Variants in AKAP6 observed in about 807,000 individuals in gnomAD.
The protein encoded by AKAP6 is A-kinase anchor protein 6.
In AKAP6, 58 loss-of-function variants were observed where a neutral mutation model predicts 188.5. The observed-to-expected ratio is 0.31, with a 90% CI of 0.25 to 0.38. The LOEUF (loss-of-function observed/expected upper bound fraction) is 0.38, where lower values mean the gene tolerates loss of function less well. Among genes scored for constraint, AKAP6 ranks in the 10% least tolerant of loss-of-function variants. AKAP6 has a pLI of 1.00. For missense variants in AKAP6, 2,710 were observed against 2,740.0 expected (o/e 0.99, Z 0.24); for synonymous variants, 989 against 998.6 (o/e 0.99, Z 0.18).
chr14:32,447,585 C>G (rs1160342758), intron 2 of AKAP6, among the ~76,000 whole-genome samples: 2 of 152,118 alleles, frequency 1.3e-5, no homozygotes, highest in African/African-American at 4.8e-5. Flanking sequence ...TGTTGGGTAA[C>G]CTTAATTAAG....
At chr14:32,333,406 G>C (rs1479707015) in intron 1 of AKAP6, among the ~76,000 whole-genome samples, 3 of 152,076 alleles carry the variant, frequency 2.0e-5, no homozygotes, top group Non-Finnish European at 4.4e-5. Flanking sequence ...CATTGTCAGG[G>C]AATCTATAGC....
chr14:32,773,138 A>G (rs1289950418), intron 11 of AKAP6, among the ~76,000 whole-genome samples: 1 of 152,110 alleles, frequency 6.6e-6, no homozygotes, highest in Non-Finnish European at 1.5e-5. Flanking sequence ...TTGTTAATCA[A>G]GCTTTGGAAG....
chr14:32,405,715 G>C (rs1235031085), intron 1 of AKAP6, among the ~76,000 whole-genome samples: 1 of 149,754 alleles, frequency 6.7e-6, no homozygotes, highest in Non-Finnish European at 1.5e-5. Flanking sequence ...GTTCTCATGA[G>C]ATCTGATGGT....
In AKAP6 at chr14:32,470,960, AATAATCTCAAATACTTT is replaced by A. The variant is rs555373482; in HGVS notation, c.324+37145_324+37161del. ...TTTTCCTAAGACCTTTAATCCATCTAATAATCTCAAATACTTTAGATACATGAGGATAGACTTAGAAA... is the reference window on the plus strand; with the variant it reads ...TTTTCCTAAGACCTTTAATCCATCTAAGATACATGAGGATAGACTTAGAAA... On this transcript the variant is annotated intron_variant, in intron 2 of 13. Coordinates refer to ENST00000280979, the MANE Select transcript of AKAP6 (RefSeq NM_004274.5). 5.3e-3 allele frequency among the ~76,000 whole-genome samples: 813 copies of A among 152,316 alleles called. 5 individuals are homozygous for A. Among genetic ancestry groups the A allele is most frequent in the Middle Eastern group, 0.044 (13 of 294 alleles).
chr14:32,413,403 A>G (rs1300297981), intron 1 of AKAP6, among the ~76,000 whole-genome samples: 1 of 151,932 alleles, frequency 6.6e-6, no homozygotes, highest in East Asian at 1.9e-4. Flanking sequence ...GGCTGCTCTC[A>G]AACTCCTGGG....
At chr14:32,717,608 TCACACACACACA>T (rs57925449) in intron 9 of AKAP6, among the ~76,000 whole-genome samples, 3 of 147,736 alleles carry the variant, frequency 2.0e-5, no homozygotes, top group Admixed American at 6.8e-5. Flanking sequence ...TTGTCTCTTA[TCACACACACACA>T]CACACACACA....
chr14:32,569,015 C>A (rs1884336937), intron 4 of AKAP6, among the ~76,000 whole-genome samples: 1 of 152,160 alleles, frequency 6.6e-6, no homozygotes, highest in African/African-American at 2.4e-5. Context: ...GAATCCCTTT[C>A]CCATCATAAG....
chr14:32,602,018 G>GA (rs1885946471), intron 7 of AKAP6, among the ~76,000 whole-genome samples: 1 of 152,214 alleles, frequency 6.6e-6, no homozygotes, highest in African/African-American at 2.4e-5. Flanking sequence ...TTGAAGGAAG[G>GA]AGGAGAGGTG....
In AKAP6 at chr14:32,833,965, C is replaced by G. The variant is rs2034847272; in HGVS notation, c.*4160C>G. 6.6e-6 allele frequency: 1 copy of G among 152,200 alleles called. No homozygotes were observed. The highest frequency in any genetic ancestry group is 2.1e-4 in the South Asian group (1 of 4,832). 9.4% of individuals were successfully genotyped at this position (152,200 alleles called of 1,614,324 possible). ...TTTACTTCATCTCTGTATACACACA[C>G]ACTTTTTTGTATGATTAAATCATTT... is the stretch of plus-strand genomic sequence containing the variant. On this transcript the variant is annotated 3_prime_UTR_variant, in exon 14 of 14. Coordinates refer to ENST00000280979, the MANE Select transcript of AKAP6 (RefSeq NM_004274.5).
intron 11 of AKAP6, among the ~76,000 whole-genome samples, chr14:32,741,475 A>C (rs1160782922): frequency 2.6e-5 from 4 of 151,998 alleles, no homozygotes; most frequent in African/African-American, 9.7e-5. Context: ...TCTCCCGTTC[A>C]ATGTGATACT....
chr14:32,493,424 T>C (rs565057088), intron 2 of AKAP6, among the ~76,000 whole-genome samples: 2 of 152,042 alleles, frequency 1.3e-5, no homozygotes, highest in East Asian at 3.9e-4. Context: ...TTGCTTAGGG[T>C]GGTTTTGTAC....
chr14:32,745,986 G>A (rs1275497742), intron 11 of AKAP6, among the ~76,000 whole-genome samples: 1 of 152,082 alleles, frequency 6.6e-6, no homozygotes, highest in Non-Finnish European at 1.5e-5. Context: ...GACTACCACC[G>A]ATGTTCCCTT....
intron 1 of AKAP6, among the ~76,000 whole-genome samples, chr14:32,376,985 G>A (rs1217224550): frequency 2.6e-5 from 4 of 152,164 alleles, no homozygotes; most frequent in Non-Finnish European, 5.9e-5. Context: ...ATGAGCCACC[G>A]CGCCCAGCCT....
chr14:32,422,372 A>G (rs1889877799), intron 1 of AKAP6, among the ~76,000 whole-genome samples: 1 of 152,150 alleles, frequency 6.6e-6, no homozygotes, highest in African/African-American at 2.4e-5. Flanking sequence ...GGAAAGTGCT[A>G]TTACTTATCA....
intron 1 of AKAP6, among the ~76,000 whole-genome samples, chr14:32,415,265 G>T (rs914826148): frequency 6.6e-6 from 1 of 152,126 alleles, no homozygotes; most frequent in African/African-American, 2.4e-5. Flanking sequence ...CTACACCAGT[G>T]CCTTAACTGA....
In AKAP6 at chr14:32,510,436, G is replaced by GTATATATATATACATATA. The variant is rs1555335161; in HGVS notation, c.325-25117_325-25116insATATATATATACATATAT. Among the ~76,000 whole-genome samples the GTATATATATATACATATA allele has an allele frequency of 7.6e-4, 23 of 30,074 alleles. 1 individual carries two copies. Among genetic ancestry groups the GTATATATATATACATATA allele is most frequent in the Admixed American group, 3.5e-3 (8 of 2,306 alleles). The allele number at this position is 30,074 out of a possible 152,430, so 19.7% of individuals were successfully genotyped here. On this transcript the variant is annotated intron_variant, in intron 2 of 13. Coordinates refer to ENST00000280979, the MANE Select transcript of AKAP6 (RefSeq NM_004274.5). ...TATGTATATATATACATATATATAT[G>GTATATATATATACATATA]TGTATATATATATACATATATATGT...
intron 4 of AKAP6, among the ~76,000 whole-genome samples, chr14:32,573,476 C>T (rs1425051667): frequency 1.3e-5 from 2 of 152,044 alleles, no homozygotes; most frequent in East Asian, 3.9e-4. Flanking sequence ...TCACAATATC[C>T]AGAAGAGTGT....
chr14:32,412,587 T>C (rs1320941374), intron 1 of AKAP6, among the ~76,000 whole-genome samples: 2 of 152,248 alleles, frequency 1.3e-5, no homozygotes, highest in Non-Finnish European at 2.9e-5. Flanking sequence ...GAAGGGACTC[T>C]ATTTTATCAG....
At chr14:32,537,562 TC>T (rs1221960228) in intron 3 of AKAP6, among the ~76,000 whole-genome samples, 2 of 152,154 alleles carry the variant, frequency 1.3e-5, no homozygotes, top group African/African-American at 4.8e-5. Context: ...ATTCTTTTCT[TC>T]CCCCTTCCCC....
Sources: gnomAD v4.1 joint callset for allele counts (sites outside exome capture counted in the v4.1 genomes callset) on GRCh38, gnomAD v4.1.1 for gene constraint, MANE v1.5 for transcripts, NCBI Gene and HGNC (gene_info 2026-07-23, HGNC 2026-07-21) for gene names.